Variants in UVRAG observed in about 807,000 individuals in gnomAD.
UVRAG encodes the protein UV radiation resistance associated.
A neutral mutation model predicts 78.0 loss-of-function variants in UVRAG; 19 were observed. The ratio of observed to expected loss-of-function variants is 0.24; its 90% CI spans 0.17 to 0.36. The LOEUF is 0.36. UVRAG is among the 10% of genes least tolerant of loss of function. The pLI is 1.00. For synonymous variants in UVRAG, 323 were observed against 324.6 expected (o/e 1.00, Z 0.05); for missense variants, 740 against 853.8 (o/e 0.87, Z 1.66).
At chr11:76,071,708 C>T (rs909065928) in intron 13 of UVRAG, among the ~76,000 whole-genome samples, 1 of 151,800 alleles carries the variant, frequency 6.6e-6, no homozygotes, top group African/African-American at 2.4e-5. Flanking sequence ...TGGTTTGGAT[C>T]AGGATGGTAG....
chr11:76,141,089 C>T lies in UVRAG; in HGVS notation c.1776C>T (p.His592=), dbSNP rs776615945. 2.5e-6 allele frequency: 4 copies of T among 1,614,186 alleles called. No individual in the cohort carries two copies. In the South Asian group the frequency reaches 4.4e-5, roughly 18 times the overall value. Residue 592 remains histidine (H), a synonymous_variant, in exon 15 of 15, where the codon CAC becomes CAT. Transcript: ENST00000356136. The stretch of plus-strand genomic sequence containing the variant: ...AACAAGGAGAAGCCCTCTCCGGGCA[C>T]CGGGCCACAGTCAATGGCACTCTCC... The part of the protein sequence containing the change: ...SQEQGEALSG[H]RATVNGTLLP...
At chr11:76,052,734 C>T (rs1950893626) in intron 12 of UVRAG, among the ~76,000 whole-genome samples, 1 of 152,024 alleles carries the variant, frequency 6.6e-6, no homozygotes, top group Non-Finnish European at 1.5e-5. Flanking sequence ...TTAACCAGTC[C>T]TTTTCTGGCT....
intron 6 of UVRAG, among the ~76,000 whole-genome samples, chr11:75,935,510 A>C (rs1431754106): frequency 2.0e-5 from 3 of 152,032 alleles, no homozygotes; most frequent in African/African-American, 7.2e-5. Flanking sequence ...CAGTGGATTG[A>C]CCATTATTTC....
At chr11:75,935,471 CTT>C (rs957678963) in intron 6 of UVRAG, among the ~76,000 whole-genome samples, 4 of 151,684 alleles carry the variant, frequency 2.6e-5, no homozygotes, top group Non-Finnish European at 5.9e-5. Context: ...ATCTGTCTCT[CTT>C]TCTCTCTCTC....
At chr11:76,130,577 C>CA (rs1952495923) in intron 14 of UVRAG, among the ~76,000 whole-genome samples, 1 of 152,238 alleles carries the variant, frequency 6.6e-6, no homozygotes, top group Non-Finnish European at 1.5e-5. Context: ...AATTGCAACT[C>CA]AAACACTTCT....
In UVRAG at chr11:75,888,898, C is replaced by T; in HGVS notation, c.502C>T (p.His168Tyr). 1 of 1,612,476 alleles carries T rather than the reference C, an allele frequency of 6.2e-7. No individual in the cohort carries two copies. Among genetic ancestry groups the T allele is most frequent in the Non-Finnish European group, 8.5e-7 (1 of 1,179,304 alleles). ...NDGYYGAPFE[H>Y]KGYSNAQKTI... is the part of the protein sequence containing the mutation. Reference sequence around the variant, plus strand: ...TGGATACTATGGTGCTCCATTTGAACATAAGGTAAGAAGATCCTTCTAATG... The same window carrying T: ...TGGATACTATGGTGCTCCATTTGAATATAAGGTAAGAAGATCCTTCTAATG... Residue 168 changes from histidine to tyrosine, a missense_variant, in exon 5 of 15, where the codon CAT becomes TAT. Coordinates refer to ENST00000356136, the MANE Select transcript of UVRAG (RefSeq NM_003369.4).
intron 12 of UVRAG, among the ~76,000 whole-genome samples, chr11:76,061,314 G>A (rs962594033): frequency 6.6e-6 from 1 of 152,168 alleles, no homozygotes; most frequent in African/African-American, 2.4e-5. Flanking sequence ...CCCTGTCAAA[G>A]CAGACCACTC....
At chr11:75,960,970 A>G (rs1048044224) in intron 6 of UVRAG, among the ~76,000 whole-genome samples, 9 of 151,932 alleles carry the variant, frequency 5.9e-5, no homozygotes, top group Non-Finnish European at 8.8e-5. Context: ...GTTTTTTCTT[A>G]TATCTTTGAG....
rs575832925 is a variant in UVRAG at position 76,019,511 on chromosome 11, G to T, written c.1226+2531G>T. ...GGGAAGGCTTTCCAGGTTTTTGAAA[G>T]GACTTGGATGTTGTGATCTAAGCTG... On this transcript the variant is annotated intron_variant, in intron 12 of 14. Coordinates refer to ENST00000356136, the MANE Select transcript of UVRAG (RefSeq NM_003369.4). Among the ~76,000 whole-genome samples the T allele has an allele frequency of 2.0e-5, 3 of 152,330 alleles. No individual in the cohort carries two copies. The South Asian group carries it at 6.2e-4, about 32-fold the overall frequency.
intron 3 of UVRAG, among the ~76,000 whole-genome samples, chr11:75,876,013 CAAAAAGAA>C (rs938598639): frequency 2.0e-5 from 3 of 150,178 alleles, no homozygotes; most frequent in Non-Finnish European, 4.4e-5. Flanking sequence ...GTCTCTACCC[CAAAAAGAA>C]AAAAAGAAAA....
chr11:75,917,280 C>A (rs1947876154), intron 6 of UVRAG, among the ~76,000 whole-genome samples: 2 of 152,128 alleles, frequency 1.3e-5, no homozygotes, highest in Non-Finnish European at 1.5e-5. Flanking sequence ...TTCAAAGTTG[C>A]TTTTGTTAAT....
At chr11:76,080,796 T>C (rs1483079023) in intron 13 of UVRAG, among the ~76,000 whole-genome samples, 1 of 152,206 alleles carries the variant, frequency 6.6e-6, no homozygotes, top group African/African-American at 2.4e-5. Context: ...TTTCATACTT[T>C]GTAAAACACA....
At chr11:76,059,361 A>G (rs1191194940) in intron 12 of UVRAG, among the ~76,000 whole-genome samples, 1 of 152,230 alleles carries the variant, frequency 6.6e-6, no homozygotes, top group African/African-American at 2.4e-5. Flanking sequence ...TTAGAAACCT[A>G]CTGGGCTTCC....
chr11:75,975,151 G>A (rs1949210915), intron 7 of UVRAG, among the ~76,000 whole-genome samples: 1 of 152,040 alleles, frequency 6.6e-6, no homozygotes, highest in South Asian at 2.1e-4. Context: ...GTTTTTGTCA[G>A]GTTTGTCAAA....
chr11:76,005,279 C>A (rs563851040), intron 9 of UVRAG, among the ~76,000 whole-genome samples: 1 of 152,150 alleles, frequency 6.6e-6, no homozygotes, highest in East Asian at 1.9e-4. Flanking sequence ...GGCGGTGGAG[C>A]TTGCAGTGAG....
intron 13 of UVRAG, among the ~76,000 whole-genome samples, chr11:76,077,610 AC>A (rs1403098784): frequency 1.3e-5 from 2 of 152,200 alleles, no homozygotes; most frequent in Non-Finnish European, 2.9e-5. Flanking sequence ...CTTTGCAGAA[AC>A]CCTTAAAGTG....
intron 14 of UVRAG, among the ~76,000 whole-genome samples, chr11:76,139,077 C>A (rs1424983823): frequency 6.6e-6 from 1 of 152,132 alleles, no homozygotes; most frequent in Non-Finnish European, 1.5e-5. Context: ...TATATGTACC[C>A]CAGTGACCAC....
At chr11:75,964,825 A>G (rs551088086) in intron 7 of UVRAG, among the ~76,000 whole-genome samples, 1 of 152,278 alleles carries the variant, frequency 6.6e-6, no homozygotes, top group East Asian at 1.9e-4. Context: ...CCCTGCATGG[A>G]TATCCGGTTG....
intron 14 of UVRAG, among the ~76,000 whole-genome samples, chr11:76,119,637 A>G (rs1952240749): frequency 6.6e-6 from 1 of 152,164 alleles, no homozygotes; most frequent in South Asian, 2.1e-4. Flanking sequence ...CTCCACTCAC[A>G]TCAGAGCTAA....
Sources: gnomAD v4.1 joint callset for allele counts (sites outside exome capture counted in the v4.1 genomes callset) on GRCh38, gnomAD v4.1.1 for gene constraint, MANE v1.5 for transcripts, NCBI Gene and HGNC (gene_info 2026-07-23, HGNC 2026-07-21) for gene names.